The following CNTNAP5 variants were observed in gnomAD, a reference collection of about 807,000 sequenced individuals.
CNTNAP5 encodes contactin associated protein family member 5.
In CNTNAP5, 72 loss-of-function variants were observed where a neutral mutation model predicts 150.2. That is an observed-to-expected ratio of 0.48 (90% confidence interval 0.40 to 0.58). The LOEUF (loss-of-function observed/expected upper bound fraction) is 0.58. Ranked by LOEUF, CNTNAP5 falls within the 20% of genes least tolerant of loss-of-function variation. CNTNAP5 has a pLI of 0.00. For missense variants in CNTNAP5, 1,636 were observed against 1,626.2 expected (o/e 1.01, Z -0.10); for synonymous variants, 672 against 619.8 (o/e 1.08, Z -1.25).
Position 124,527,513 on chromosome 2 carries a change from A to G in CNTNAP5, c.1649+57A>G, listed in dbSNP as rs548865129. ...ACCCCCTTCCCATTCTTACTGTTCTAAATATGAGTTTCTTTAAGCAAAATT... is the reference window on the plus strand; with the variant it reads ...ACCCCCTTCCCATTCTTACTGTTCTGAATATGAGTTTCTTTAAGCAAAATT... On this transcript the variant is annotated intron_variant, in intron 10 of 23. Coordinates refer to ENST00000682447, the MANE Select transcript of CNTNAP5 (RefSeq NM_001367498.1). 4 of 1,400,424 alleles carry G rather than the reference A, an allele frequency of 2.9e-6. No homozygotes were observed. The Admixed American group carries it at 9.1e-5, about 32-fold the overall frequency. The allele number at this position is 1,400,424 out of a possible 1,614,324, so 86.7% of individuals were successfully genotyped here. A position where few individuals can be genotyped will look rare whatever the true frequency, so the allele number is the denominator to read the frequency against.
chr2:124,298,001 C>T (rs979781899), intron 3 of CNTNAP5, among the ~76,000 whole-genome samples: 5 of 151,842 alleles, frequency 3.3e-5, no homozygotes, highest in Admixed American at 6.6e-5. Flanking sequence ...CTCACCACCA[C>T]GCCTGGCTAA....
chr2:124,605,759 G>A (rs1301018748), intron 11 of CNTNAP5, among the ~76,000 whole-genome samples: 1 of 135,926 alleles, frequency 7.4e-6, no homozygotes, highest in African/African-American at 2.8e-5. Context: ...TTGCAGTGAG[G>A]CAAGAGCATG....
At chr2:124,060,875 G>C (rs929159125) in intron 1 of CNTNAP5, among the ~76,000 whole-genome samples, 1 of 152,044 alleles carries the variant, frequency 6.6e-6, no homozygotes, top group Non-Finnish European at 1.5e-5. Flanking sequence ...TTGTCATGGT[G>C]TTTTTTTGAC....
chr2:124,907,543 T>A (rs1175139196), intron 22 of CNTNAP5, among the ~76,000 whole-genome samples: 2 of 148,332 alleles, frequency 1.3e-5, no homozygotes, highest in Non-Finnish European at 3.0e-5. Flanking sequence ...ATATAGAATA[T>A]ATAAAATATA....
intron 13 of CNTNAP5, among the ~76,000 whole-genome samples, chr2:124,690,453 A>T (rs1450526313): frequency 6.6e-6 from 1 of 152,122 alleles, no homozygotes; most frequent in African/African-American, 2.4e-5. Context: ...CTTGTCTGCA[A>T]TACTTAATAG....
intron 1 of CNTNAP5, among the ~76,000 whole-genome samples, chr2:124,182,602 C>G (rs1229303274): frequency 6.6e-6 from 1 of 152,148 alleles, no homozygotes; most frequent in Non-Finnish European, 1.5e-5. Context: ...CCTTCCTCTT[C>G]CTAATCTTCT....
At chr2:124,477,464 C>T (rs573269827) in intron 7 of CNTNAP5, among the ~76,000 whole-genome samples, 123 of 152,150 alleles carry the variant, frequency 8.1e-4, no homozygotes, top group African/African-American at 2.7e-3. Context: ...TGTCAAGTCC[C>T]TGACTCCTTC....
intron 13 of CNTNAP5, among the ~76,000 whole-genome samples, chr2:124,710,013 CA>C (rs70999206): frequency 2.0e-5 from 3 of 151,792 alleles, no homozygotes; most frequent in East Asian, 3.9e-4. Flanking sequence ...TACAAAATTA[CA>C]AAAAAAGTGG....
chr2:124,514,185 T>A (rs1694655409), intron 8 of CNTNAP5, among the ~76,000 whole-genome samples: 1 of 152,156 alleles, frequency 6.6e-6, no homozygotes, highest in Non-Finnish European at 1.5e-5. Flanking sequence ...GATGAAGCAT[T>A]TCGTGTTATG....
chr2:124,811,739 G>C (rs990007140), intron 19 of CNTNAP5, among the ~76,000 whole-genome samples: 5 of 149,688 alleles, frequency 3.3e-5, no homozygotes, highest in Non-Finnish European at 5.9e-5. Flanking sequence ...TCAGGAGTTC[G>C]AGACCAGCCT....
At chr2:124,339,007 G>A (rs377536930) in intron 3 of CNTNAP5, among the ~76,000 whole-genome samples, 29 of 152,238 alleles carry the variant, frequency 1.9e-4, no homozygotes, top group African/African-American at 5.8e-4. Flanking sequence ...GAGACTTGGG[G>A]TAGTCATGGA....
chr2:124,337,088 C>T (rs1689491292), intron 3 of CNTNAP5, among the ~76,000 whole-genome samples: 1 of 152,144 alleles, frequency 6.6e-6, no homozygotes, highest in Admixed American at 6.5e-5. Context: ...GAGATGGTAT[C>T]TCATTGTGGT....
At chr2:124,579,585 C>T (rs891416775) in intron 11 of CNTNAP5, among the ~76,000 whole-genome samples, 1 of 152,108 alleles carries the variant, frequency 6.6e-6, no homozygotes, top group Non-Finnish European at 1.5e-5. Flanking sequence ...TGGTATTATC[C>T]CCCGATAGTC....
chr2:124,421,603 A>G (rs948274778), intron 4 of CNTNAP5, among the ~76,000 whole-genome samples: 1 of 152,150 alleles, frequency 6.6e-6, no homozygotes, highest in Non-Finnish European at 1.5e-5. Flanking sequence ...CTGCTTCCAC[A>G]CTACACTCAC....
intron 1 of CNTNAP5, among the ~76,000 whole-genome samples, chr2:124,215,840 T>C (rs910743419): frequency 6.6e-6 from 1 of 151,804 alleles, no homozygotes; most frequent in Admixed American, 6.6e-5. Context: ...AAAAAGATCA[T>C]CCATTATAAC....
At chr2:124,379,149 T>G (rs1690725598) in intron 3 of CNTNAP5, among the ~76,000 whole-genome samples, 1 of 151,776 alleles carries the variant, frequency 6.6e-6, no homozygotes, top group South Asian at 2.1e-4. Flanking sequence ...TTTTTACAAC[T>G]GTGCAATTGA....
At chr2:124,258,668 G>C (rs989283395) in intron 3 of CNTNAP5, among the ~76,000 whole-genome samples, 1 of 152,142 alleles carries the variant, frequency 6.6e-6, no homozygotes, top group Non-Finnish European at 1.5e-5. Flanking sequence ...GACATAGGCA[G>C]TTGTGACTGT....
At chr2:124,580,700 C>T (rs1696390760) in intron 11 of CNTNAP5, among the ~76,000 whole-genome samples, 1 of 152,206 alleles carries the variant, frequency 6.6e-6, no homozygotes, top group Non-Finnish European at 1.5e-5. Context: ...CTCTCTCTCT[C>T]AGCTGTCCAT....
intron 8 of CNTNAP5, among the ~76,000 whole-genome samples, chr2:124,518,994 CAAAA>C (rs35578704): frequency 2.3e-4 from 11 of 48,094 alleles, no homozygotes; most frequent in Admixed American, 8.5e-4. Context: ...GCCTGGGCCG[CAAAA>C]AAAAAAAAAA....
Sources: allele counts gnomAD v4.1 joint callset (sites outside exome capture counted in the v4.1 genomes callset), GRCh38; gene constraint gnomAD v4.1.1; transcripts MANE v1.5; gene names NCBI Gene and HGNC (gene_info 2026-07-23, HGNC 2026-07-21).